The following CSMD1 variants were observed in gnomAD, a reference collection of about 807,000 sequenced individuals.
CSMD1 encodes CUB and sushi domain-containing protein 1.
A neutral mutation model predicts 417.5 loss-of-function variants in CSMD1; 213 were observed. The observed-to-expected ratio is 0.51, with a 90% CI of 0.46 to 0.57. The LOEUF is 0.57. Among genes scored for constraint, CSMD1 ranks in the 20% least tolerant of loss-of-function variants. The pLI is 0.00. For synonymous variants in CSMD1, 2,862 were observed against 1,736.8 expected, an observed-to-expected ratio of 1.65 and a Z score of -16.11; for missense variants, 6,923 against 4,529.7, an observed-to-expected ratio of 1.53 and a Z score of -15.17.
intron 2 of CSMD1, among the ~76,000 whole-genome samples, chr8:4,563,523 C>T (rs986343023): frequency 2.0e-5 from 3 of 152,204 alleles, no homozygotes; most frequent in African/African-American, 4.8e-5. Context: ...CCCTGCCCCA[C>T]GCACTGATAC....
intron 1 of CSMD1, among the ~76,000 whole-genome samples, chr8:4,991,717 C>A (rs1175094949): frequency 1.3e-5 from 2 of 152,180 alleles, no homozygotes; most frequent in Admixed American, 1.3e-4. Flanking sequence ...ACCTTGGTCA[C>A]CCGGGCTTTG....
chr8:3,596,377 C>T (rs1231973102), intron 8 of CSMD1, among the ~76,000 whole-genome samples: 2 of 152,164 alleles, frequency 1.3e-5, no homozygotes, highest in Admixed American at 6.5e-5. Flanking sequence ...CCACTCAGGT[C>T]AGGGCAGACC....
chr8:3,798,152 T>C (rs537180929), intron 5 of CSMD1, among the ~76,000 whole-genome samples: 4 of 152,176 alleles, frequency 2.6e-5, no homozygotes, highest in African/African-American at 9.6e-5. Flanking sequence ...TAGTGCATCA[T>C]ATGTAGTCTT....
At chr8:2,996,409 G>C (rs1806898299) in intron 54 of CSMD1, among the ~76,000 whole-genome samples, 1 of 152,206 alleles carries the variant, frequency 6.6e-6, no homozygotes, top group Admixed American at 6.5e-5. Flanking sequence ...TTTTCACTGA[G>C]ATAATGCTGT....
At chr8:4,191,038 C>T (rs1230667807) in intron 3 of CSMD1, among the ~76,000 whole-genome samples, 3 of 152,030 alleles carry the variant, frequency 2.0e-5, no homozygotes, top group African/African-American at 7.3e-5. Context: ...GCAACAAACC[C>T]CCATGACACC....
chr8:3,969,173 C>T (rs952449339), intron 5 of CSMD1, among the ~76,000 whole-genome samples: 16 of 152,132 alleles, frequency 1.1e-4, no homozygotes, highest in Admixed American at 1.0e-3. Flanking sequence ...TTGCTTGAAC[C>T]TGGGAGGCAG....
intron 5 of CSMD1, among the ~76,000 whole-genome samples, chr8:3,762,077 A>T (rs1798038393): frequency 6.6e-6 from 1 of 152,024 alleles, no homozygotes; most frequent in Admixed American, 6.6e-5. Flanking sequence ...AATAATTTCT[A>T]GTCTCCTGAG....
intron 4 of CSMD1, among the ~76,000 whole-genome samples, chr8:4,015,847 T>G (rs956373782): frequency 6.6e-6 from 1 of 152,118 alleles, no homozygotes; most frequent in South Asian, 2.1e-4. Context: ...CCAATAATGG[T>G]TCGTATGCTG....
intron 5 of CSMD1, among the ~76,000 whole-genome samples, chr8:3,984,515 A>G (rs1814157392): frequency 6.6e-6 from 1 of 151,938 alleles, no homozygotes; most frequent in South Asian, 2.1e-4. Context: ...ATCCAGCAGT[A>G]ATAAGTACAC....
chr8:4,430,563 G>C (rs186515800), intron 2 of CSMD1, among the ~76,000 whole-genome samples: 115 of 151,924 alleles, frequency 7.6e-4, no homozygotes, highest in African/African-American at 2.2e-3. Flanking sequence ...AGTTACTCTG[G>C]GGAAGAAAAT....
intron 10 of CSMD1, among the ~76,000 whole-genome samples, chr8:3,517,195 C>T (rs372744801): frequency 1.3e-5 from 2 of 152,152 alleles, no homozygotes; most frequent in Admixed American, 1.3e-4. Flanking sequence ...GTTTGACTCT[C>T]TTTGCATCTC....
intron 3 of CSMD1, among the ~76,000 whole-genome samples, chr8:4,168,755 G>C (rs1338288967): frequency 6.6e-6 from 1 of 152,044 alleles, no homozygotes; most frequent in Admixed American, 6.5e-5. Flanking sequence ...TTCAAGTTAG[G>C]CTTTATTTCT....
chr8:4,459,309 G>A (rs964998681), intron 2 of CSMD1, among the ~76,000 whole-genome samples: 1 of 152,184 alleles, frequency 6.6e-6, no homozygotes, highest in Non-Finnish European at 1.5e-5. Flanking sequence ...ATAAGGTGAA[G>A]GTTCTATGCC....
At chr8:3,127,923 G>GAAGGAAGGAAGGAAGA in intron 41 of CSMD1, 1 of 122,676 alleles carries the variant, frequency 8.2e-6, no homozygotes, top group Non-Finnish European at 1.6e-5. Context: ...AGGAAGGAAG[G>GAAGGAAGGAAGGAAGA]AAGGAAGGAA....
In CSMD1 at chr8:2,962,650, T is replaced by C. The variant is rs1163694445; in HGVS notation, c.9455-11A>G. Reference sequence around the variant, plus strand: ...CTCCGCAGAACACAGCTATGGAAGATAACCAGGAAGAAGTCAGCCTTCAAC... The same window carrying C: ...CTCCGCAGAACACAGCTATGGAAGACAACCAGGAAGAAGTCAGCCTTCAAC... On this transcript the variant is annotated splice_polypyrimidine_tract_variant and intron_variant, in intron 60 of 69. Coordinates refer to ENST00000635120, the MANE Select transcript of CSMD1 (RefSeq NM_033225.6). 2.5e-6 allele frequency: 4 copies of C among 1,611,408 alleles called. No individual in the cohort carries two copies. In the African/African-American group the frequency reaches 4.0e-5, roughly 16 times the overall value.
chr8:3,898,745 A>C (rs1012230936), intron 5 of CSMD1, among the ~76,000 whole-genome samples: 2 of 152,204 alleles, frequency 1.3e-5, no homozygotes, highest in African/African-American at 4.8e-5. Flanking sequence ...CTTTTCTGCT[A>C]TTGAACCACT....
rs1008985280 is a variant in CSMD1 at position 3,856,630 on chromosome 8, C to A, written c.819-102588G>T. On this transcript the variant is annotated intron_variant, in intron 5 of 69. Coordinates refer to ENST00000635120, the MANE Select transcript of CSMD1 (RefSeq NM_033225.6). ...TAGTCCTTTTCTATGGTGCCCCTCC[C>A]TGCAGCAGCAGTAAACGTTTGCACC... Among the ~76,000 whole-genome samples, 4 of 152,186 alleles carry A rather than the reference C, an allele frequency of 2.6e-5. No individual in the cohort carries two copies. In the East Asian group the frequency reaches 7.7e-4, roughly 29 times the overall value.
intron 3 of CSMD1, among the ~76,000 whole-genome samples, chr8:4,402,828 T>TC (rs1563136727): frequency 3.7e-5 from 4 of 109,054 alleles, no homozygotes; most frequent in African/African-American, 9.8e-5. Context: ...TTTCTTTTTT[T>TC]TTTTTTTTTG....
intron 5 of CSMD1, among the ~76,000 whole-genome samples, chr8:3,946,547 G>T (rs989390763): frequency 5.3e-4 from 80 of 152,168 alleles, no homozygotes; most frequent in African/African-American, 1.7e-3. Flanking sequence ...CAATTAGTGT[G>T]TCAATTCCTA....
Sources: allele counts gnomAD v4.1 joint callset (sites outside exome capture counted in the v4.1 genomes callset), GRCh38; gene constraint gnomAD v4.1.1; transcripts MANE v1.5; gene names NCBI Gene and HGNC (gene_info 2026-07-23, HGNC 2026-07-21).